ZNF385D: variants seen among roughly 807,000 people sequenced by gnomAD.
ZNF385D encodes zinc finger protein 659.
A neutral mutation model predicts 35.8 loss-of-function variants in ZNF385D; 15 were observed. That is an observed-to-expected ratio of 0.42 (90% confidence interval 0.28 to 0.64). The LOEUF (loss-of-function observed/expected upper bound fraction) is 0.64, where lower values mean the gene tolerates loss of function less well. Ranked by LOEUF, ZNF385D falls within the 30% of genes least tolerant of loss-of-function variation. The pLI, the probability that ZNF385D is intolerant of heterozygous loss-of-function variation, is 0.23. For missense variants in ZNF385D, 474 were observed against 494.6 expected (o/e 0.96, Z 0.39); for synonymous variants, 212 against 186.8 (o/e 1.13, Z -1.10).
intron 3 of ZNF385D, among the ~76,000 whole-genome samples, chr3:21,874,501 G>C (rs1697861865): frequency 6.6e-6 from 1 of 151,966 alleles, no homozygotes; most frequent in Non-Finnish European, 1.5e-5. Flanking sequence ...AAGCTTTTTA[G>C]TTAGATGTAT....
intron 4 of ZNF385D, among the ~76,000 whole-genome samples, chr3:21,510,552 C>T (rs1183884238): frequency 6.6e-6 from 1 of 152,130 alleles, no homozygotes; most frequent in African/African-American, 2.4e-5. Flanking sequence ...GATGCAAATG[C>T]TGCACACTGA....
At chr3:22,148,322 T>C (rs1299864600) in intron 3 of ZNF385D, among the ~76,000 whole-genome samples, 4 of 152,234 alleles carry the variant, frequency 2.6e-5, no homozygotes, top group Non-Finnish European at 4.4e-5. Context: ...AGTTGTGTTA[T>C]TTCTTCTCTG....
intron 2 of ZNF385D, among the ~76,000 whole-genome samples, chr3:22,220,752 A>G (rs1388670174): frequency 6.6e-6 from 1 of 152,052 alleles, no homozygotes; most frequent in East Asian, 1.9e-4. Flanking sequence ...TCATCCTTCC[A>G]TTTTCAACAC....
At chr3:22,059,173 G>A (rs62246372) in intron 3 of ZNF385D, among the ~76,000 whole-genome samples, 2 of 152,170 alleles carry the variant, frequency 1.3e-5, no homozygotes, top group Non-Finnish European at 2.9e-5. Flanking sequence ...GTAATCATTG[G>A]AGGTGACTGC....
intron 3 of ZNF385D, among the ~76,000 whole-genome samples, chr3:22,060,493 T>C (rs1699634171): frequency 6.6e-6 from 1 of 152,208 alleles, no homozygotes; most frequent in Admixed American, 6.5e-5. Context: ...AAAGATGAAA[T>C]TAAACCATTA....
intron 2 of ZNF385D, among the ~76,000 whole-genome samples, chr3:22,317,669 T>C (rs1403636740): frequency 6.6e-6 from 1 of 152,192 alleles, no homozygotes; most frequent in Non-Finnish European, 1.5e-5. Context: ...TAAACTTCTG[T>C]TCCTACTGGG....
At chr3:22,216,646 T>C (rs1343856577) in intron 2 of ZNF385D, among the ~76,000 whole-genome samples, 2 of 152,126 alleles carry the variant, frequency 1.3e-5, no homozygotes, top group East Asian at 1.9e-4. Context: ...GGAGAGTAGA[T>C]TGAGCTGTGT....
At chr3:22,264,025 G>A (rs938552784) in intron 2 of ZNF385D, among the ~76,000 whole-genome samples, 1 of 151,980 alleles carries the variant, frequency 6.6e-6, no homozygotes, top group African/African-American at 2.4e-5. Context: ...CTGTAGTCAT[G>A]AGCAATGTGA....
chr3:21,447,713 A>T (rs1702227425), intron 4 of ZNF385D, among the ~76,000 whole-genome samples: 1 of 152,174 alleles, frequency 6.6e-6, no homozygotes, highest in Admixed American at 6.5e-5. Flanking sequence ...GTTGAACGAA[A>T]AGTGAGAGAA....
intron 3 of ZNF385D, among the ~76,000 whole-genome samples, chr3:21,513,078 A>G (rs1707326984): frequency 6.6e-6 from 1 of 152,168 alleles, no homozygotes; most frequent in African/African-American, 2.4e-5. Context: ...TAACAAATCT[A>G]ACATTCTCAG....
At chr3:21,872,841 A>G (rs1308747607) in intron 3 of ZNF385D, among the ~76,000 whole-genome samples, 1 of 152,178 alleles carries the variant, frequency 6.6e-6, no homozygotes, top group Non-Finnish European at 1.5e-5. Context: ...CATACAATTT[A>G]GAGTATTAAG....
At position 21,714,153 on chromosome 3, in the gene ZNF385D, T is replaced by C. The variant is rs564108179; in HGVS notation, c.22+36742A>G. Reference sequence around the variant, plus strand: ...TGATTTGGTGAGAGAAGATATTAACTGTGCCCATAATAACTGCTCTCAATT... The same window carrying C: ...TGATTTGGTGAGAGAAGATATTAACCGTGCCCATAATAACTGCTCTCAATT... On this transcript the variant is annotated intron_variant, in intron 1 of 7. Coordinates refer to ENST00000281523, the MANE Select transcript of ZNF385D (RefSeq NM_024697.3). Among the ~76,000 whole-genome samples the C allele has an allele frequency of 7.9e-5, 12 of 152,290 alleles. No individual in the cohort carries two copies. The South Asian group carries it at 2.3e-3, about 29-fold the overall frequency.
chr3:22,352,785 G>A (rs1430937673), intron 2 of ZNF385D, among the ~76,000 whole-genome samples: 1 of 152,132 alleles, frequency 6.6e-6, no homozygotes, highest in Non-Finnish European at 1.5e-5. Context: ...ACTATTACGT[G>A]TTTTCTGTTC....
chr3:21,558,798 G>A (rs571424512), intron 3 of ZNF385D, among the ~76,000 whole-genome samples: 6 of 152,220 alleles, frequency 3.9e-5, no homozygotes, highest in Admixed American at 2.0e-4. Context: ...AGGTCTCTGA[G>A]AACTTGCTTT....
At chr3:22,121,692 T>A (rs1703096430) in intron 3 of ZNF385D, among the ~76,000 whole-genome samples, 1 of 149,112 alleles carries the variant, frequency 6.7e-6, no homozygotes, top group Non-Finnish European at 1.5e-5. Flanking sequence ...TTTTTTTAAA[T>A]AATGACAAGT....
intron 3 of ZNF385D, among the ~76,000 whole-genome samples, chr3:21,770,807 C>T (rs2071042453): frequency 1.3e-5 from 2 of 152,058 alleles, no homozygotes; most frequent in South Asian, 4.1e-4. Flanking sequence ...TATTGCGGTA[C>T]TACTCACAAT....
At chr3:22,213,664 T>G (rs879424251) in intron 2 of ZNF385D, among the ~76,000 whole-genome samples, 1 of 152,016 alleles carries the variant, frequency 6.6e-6, no homozygotes, top group Admixed American at 6.6e-5. Context: ...GTCAGTGATG[T>G]TGGCATATTG....
At chr3:21,832,515 G>A (rs572638723) in intron 3 of ZNF385D, among the ~76,000 whole-genome samples, 16 of 152,144 alleles carry the variant, frequency 1.1e-4, no homozygotes, top group Non-Finnish European at 2.2e-4. Context: ...ACAGAAAGTT[G>A]TACTATGGGG....
At chr3:21,963,607 C>A (rs1368190068) in intron 3 of ZNF385D, among the ~76,000 whole-genome samples, 2 of 152,250 alleles carry the variant, frequency 1.3e-5, no homozygotes, top group Admixed American at 1.3e-4. Context: ...TACTTTCCTG[C>A]CGCTGGTGGT....
Sources: gnomAD v4.1 joint callset for allele counts (sites outside exome capture counted in the v4.1 genomes callset) on GRCh38, gnomAD v4.1.1 for gene constraint, MANE v1.5 for transcripts, NCBI Gene and HGNC (gene_info 2026-07-23, HGNC 2026-07-21) for gene names.